The following RALGAPA2 variants were observed in gnomAD, a reference collection of about 807,000 sequenced individuals.
RALGAPA2 encodes the protein ral GTPase-activating protein subunit alpha-2.
A neutral mutation model predicts 230.4 loss-of-function variants in RALGAPA2; 139 were observed. The ratio of observed to expected loss-of-function variants is 0.60; its 90% CI spans 0.53 to 0.69. The LOEUF (loss-of-function observed/expected upper bound fraction) is 0.69, where lower values mean the gene tolerates loss of function less well. Ranked by LOEUF, RALGAPA2 falls within the 30% of genes least tolerant of loss-of-function variation. The pLI, the probability that RALGAPA2 is intolerant of heterozygous loss-of-function variation, is 0.00. For synonymous variants in RALGAPA2, 847 were observed against 837.8 expected (o/e 1.01, Z -0.19); for missense variants, 2,163 against 2,276.0 (o/e 0.95, Z 1.01).
At chr20:20,428,366 A>G (rs1198889436) in intron 37 of RALGAPA2, among the ~76,000 whole-genome samples, 1 of 152,138 alleles carries the variant, frequency 6.6e-6, no homozygotes, top group African/African-American at 2.4e-5. Context: ...ATTATAATCA[A>G]ATCATTCTCT....
At chr20:20,516,647 A>G (rs2062880625) in intron 31 of RALGAPA2, among the ~76,000 whole-genome samples, 1 of 152,136 alleles carries the variant, frequency 6.6e-6, no homozygotes, top group Non-Finnish European at 1.5e-5. Context: ...CTCCCCTGCC[A>G]CCTCCATCAG....
Position 20,546,817 on chromosome 20 carries a change from T to C in RALGAPA2, c.3172A>G (p.Ile1058Val). 6.3e-7 allele frequency: 1 copy of C among 1,593,030 alleles called. No individual in the cohort carries two copies. Among genetic ancestry groups the C allele is most frequent in the East Asian group, 2.2e-5 (1 of 44,602 alleles). The change falls in exon 24 of 40, where the codon ATC becomes GTC. Residue 1058 changes from isoleucine to valine, a missense_variant. By Grantham distance (29) the Ile-to-Val change is conservative. Coordinates refer to ENST00000202677, the MANE Select transcript of RALGAPA2 (RefSeq NM_020343.4). ...AAGCGGGGTGGACAGTGCCTTATGA[T>C]CGTATTTAAGATATCCTAAAAGGGA... ...TSEDQDILNT[I>V]IRHCPPRFFS...
intron 30 of RALGAPA2, among the ~76,000 whole-genome samples, chr20:20,522,143 C>A (rs1344971071): frequency 6.6e-6 from 1 of 151,170 alleles, no homozygotes; most frequent in Non-Finnish European, 1.5e-5. Flanking sequence ...TAAACTAGCA[C>A]AACTACTTTG....
intron 1 of RALGAPA2, among the ~76,000 whole-genome samples, chr20:20,710,172 T>C (rs1241184468): frequency 6.6e-6 from 1 of 152,228 alleles, no homozygotes; most frequent in Non-Finnish European, 1.5e-5. Context: ...AAAAAAACTT[T>C]ATTATCACTT....
At chr20:20,421,457 G>A (rs779658138) in intron 37 of RALGAPA2, among the ~76,000 whole-genome samples, 8 of 152,164 alleles carry the variant, frequency 5.3e-5, no homozygotes, top group Non-Finnish European at 1.0e-4. Flanking sequence ...GATCACCTGA[G>A]GTCAGGAGTT....
At chr20:20,555,681 T>C (rs918494628) in intron 23 of RALGAPA2, among the ~76,000 whole-genome samples, 16 of 152,200 alleles carry the variant, frequency 1.1e-4, no homozygotes, top group Non-Finnish European at 2.1e-4. Context: ...TAGAATTGCT[T>C]TCTTAATTTC....
At chr20:20,702,575 G>A (rs2146996234) in intron 1 of RALGAPA2, among the ~76,000 whole-genome samples, 1 of 152,308 alleles carries the variant, frequency 6.6e-6, no homozygotes, top group East Asian at 1.9e-4. Flanking sequence ...CTCCTGCAGT[G>A]CTCAGTAATG....
chr20:20,392,368 A>AGCGTGAGGCTTTTGGAG lies in RALGAPA2; in HGVS notation c.*904_*920dup, dbSNP rs1217912052. On this transcript the variant is annotated 3_prime_UTR_variant, in exon 40 of 40. Coordinates refer to ENST00000202677, the MANE Select transcript of RALGAPA2 (RefSeq NM_020343.4). Reference sequence around the variant, plus strand: ...CAACAGACAGGAGCAGCAAAGTTGCAGCGTGAGGCTTTTGGAGGCACAAGG... The same window carrying AGCGTGAGGCTTTTGGAG: ...CAACAGACAGGAGCAGCAAAGTTGCAGCGTGAGGCTTTTGGAGGCGTGAGGCTTTTGGAGGCACAAGG... 1 of 152,238 alleles carries AGCGTGAGGCTTTTGGAG rather than the reference A, an allele frequency of 6.6e-6. No homozygotes were observed. Among genetic ancestry groups the AGCGTGAGGCTTTTGGAG allele is most frequent in the East Asian group, 1.9e-4 (1 of 5,196 alleles). 9.4% of individuals were successfully genotyped at this position (152,238 alleles called of 1,614,324 possible).
chr20:20,396,746 G>A lies in RALGAPA2; in HGVS notation c.5618-12C>T, dbSNP rs1395456736. 7 of 1,596,068 alleles carry A rather than the reference G, an allele frequency of 4.4e-6. No homozygotes were observed. In the African/African-American group the frequency reaches 8.1e-5, roughly 19 times the overall value. ...TTACGTGTTTTAATCTGAAGGGAAAGAACACAAAATGGAATGAATACAAAC... is the reference window on the plus strand; with the variant it reads ...TTACGTGTTTTAATCTGAAGGGAAAAAACACAAAATGGAATGAATACAAAC... On this transcript the variant is annotated splice_polypyrimidine_tract_variant and intron_variant, in intron 38 of 39. Transcript: ENST00000202677.
Position 20,407,103 on chromosome 20 carries a change from C to T in RALGAPA2, c.5617+4924G>A, listed in dbSNP as rs1014874610. Among the ~76,000 whole-genome samples the T allele has an allele frequency of 5.3e-5, 8 of 152,098 alleles. No homozygotes were observed. In the South Asian group the frequency reaches 1.0e-3, roughly 20 times the overall value. The stretch of plus-strand genomic sequence containing the variant: ...CAACTTGCCCATGACCTTCGGTGGT[C>T]CCTTCCTGGGTTGGTCTTCAGCTTG... On this transcript the variant is annotated intron_variant, in intron 38 of 39. Transcript: ENST00000202677.
At chr20:20,659,837 G>A in intron 3 of RALGAPA2, 1 of 724,336 alleles carries the variant, frequency 1.4e-6, no homozygotes, top group Non-Finnish European at 2.3e-6. Context: ...AGCAGCAAGA[G>A]GAAAGCTATT....
At chr20:20,623,329 T>C (rs1007004780) in intron 10 of RALGAPA2, among the ~76,000 whole-genome samples, 7 of 152,092 alleles carry the variant, frequency 4.6e-5, no homozygotes, top group East Asian at 1.9e-4. Context: ...TAGAGTTATA[T>C]CAAAAATAGA....
intron 13 of RALGAPA2, among the ~76,000 whole-genome samples, chr20:20,612,545 G>A (rs887182168): frequency 6.6e-6 from 1 of 152,140 alleles, no homozygotes; most frequent in Non-Finnish European, 1.5e-5. Context: ...AATCACCTGT[G>A]GGGATTTCCT....
At chr20:20,447,161 T>C (rs1371830068) in intron 37 of RALGAPA2, among the ~76,000 whole-genome samples, 3 of 152,210 alleles carry the variant, frequency 2.0e-5, no homozygotes, top group African/African-American at 7.2e-5. Context: ...GGGCTATCCA[T>C]TGTCCAGCAC....
rs138979566 is a variant in RALGAPA2, at chr20:20,487,773, G to A, written c.5367+7344C>T. Among the ~76,000 whole-genome samples the A allele has an allele frequency of 3.7e-4, 56 of 152,174 alleles. 1 individual carries two copies. In the East Asian group the frequency reaches 0.01, roughly 28 times the overall value. On this transcript the variant is annotated intron_variant, in intron 36 of 39. Coordinates refer to ENST00000202677, the MANE Select transcript of RALGAPA2 (RefSeq NM_020343.4). ...AAAAAAATACAAAACTTAGCCAGGC[G>A]TGGTGGCATACGCCTTTAGTCCCAG...
chr20:20,601,931 T>G, intron 15 of RALGAPA2, 85 bp from the exon 16 acceptor site: 1 of 1,180,616 alleles, frequency 8.5e-7, no homozygotes, highest in South Asian at 2.1e-5. Flanking sequence ...ATGGTGTACC[T>G]ACAACTATAT....
chr20:20,573,898 T>C (rs1161227438), intron 20 of RALGAPA2, among the ~76,000 whole-genome samples: 1 of 152,236 alleles, frequency 6.6e-6, no homozygotes, highest in Non-Finnish European at 1.5e-5. Context: ...CTATAAACAT[T>C]CATGTACAAG....
chr20:20,654,922 T>C (rs978056141), intron 3 of RALGAPA2, among the ~76,000 whole-genome samples: 13 of 152,234 alleles, frequency 8.5e-5, no homozygotes, highest in Admixed American at 8.5e-4. Context: ...TGTCATCTTT[T>C]TGATAATAGT....
chr20:20,527,894 A>G (rs1216677294), intron 27 of RALGAPA2, among the ~76,000 whole-genome samples: 1 of 152,170 alleles, frequency 6.6e-6, no homozygotes, highest in Non-Finnish European at 1.5e-5. Flanking sequence ...GTGGAAAGAT[A>G]AGGCTGGCAA....
Sources: gnomAD v4.1 joint callset for allele counts (sites outside exome capture counted in the v4.1 genomes callset) on GRCh38, gnomAD v4.1.1 for gene constraint, MANE v1.5 for transcripts, NCBI Gene and HGNC (gene_info 2026-07-23, HGNC 2026-07-21) for gene names.